ZNF536: variants seen among roughly 807,000 people sequenced by gnomAD.
ZNF536 encodes the protein zinc finger protein 536.
A neutral mutation model predicts 84.5 loss-of-function variants in ZNF536; 13 were observed. The ratio of observed to expected loss-of-function variants is 0.15; its 90% CI spans 0.10 to 0.24. ZNF536 has a LOEUF of 0.24. Among genes scored for constraint, ZNF536 ranks in the 10% least tolerant of loss-of-function variants. The pLI is 1.00. For synonymous variants in ZNF536, 811 were observed against 742.5 expected (o/e 1.09, Z -1.50); for missense variants, 1,536 against 1,747.5 (o/e 0.88, Z 2.16).
intron 2 of ZNF536, among the ~76,000 whole-genome samples, chr19:30,464,991 G>A (rs1187124604): frequency 6.6e-6 from 1 of 152,128 alleles, no homozygotes; most frequent in African/African-American, 2.4e-5. Context: ...GGGGCCGTCG[G>A]GGTTGATGAG....
intron 2 of ZNF536, among the ~76,000 whole-genome samples, chr19:30,297,605 A>G (rs533409567): frequency 6.6e-6 from 1 of 152,248 alleles, no homozygotes; most frequent in South Asian, 2.1e-4. Flanking sequence ...GGATGTAGTG[A>G]CTTTCTCTCT....
At chr19:30,556,825 A>G (rs1012568484) in intron 4 of ZNF536, 1 of 234,258 alleles carries the variant, frequency 4.3e-6, no homozygotes, top group Non-Finnish European at 8.3e-6. Flanking sequence ...CATGAATCCT[A>G]CTGCTCAGGA....
At chr19:30,389,683 G>A (rs547817114) in intron 1 of ZNF536, among the ~76,000 whole-genome samples, 2 of 152,272 alleles carry the variant, frequency 1.3e-5, no homozygotes, top group South Asian at 2.1e-4. Flanking sequence ...TGTCCTTTGG[G>A]TGAAGAAGTG....
At chr19:30,650,618 ATCTT>A (rs1600149300) in intron 1 of ZNF536, among the ~76,000 whole-genome samples, 1 of 152,122 alleles carries the variant, frequency 6.6e-6, no homozygotes, top group Non-Finnish European at 1.5e-5. Context: ...CATCCTTAGA[ATCTT>A]TCTTTTGTCA....
chr19:30,488,459 T>C (rs1187482603), intron 2 of ZNF536, among the ~76,000 whole-genome samples: 2 of 152,162 alleles, frequency 1.3e-5, no homozygotes, highest in Non-Finnish European at 2.9e-5. Flanking sequence ...TTTTCTCCTT[T>C]AGTCCTTTAA....
intron 1 of ZNF536, among the ~76,000 whole-genome samples, chr19:30,255,902 G>C: frequency 6.6e-6 from 1 of 152,326 alleles, no homozygotes; most frequent in South Asian, 2.1e-4. Context: ...GAAGCCAACA[G>C]CCTCCTTGGA....
chr19:30,668,409 T>C (rs1350809395), intron 1 of ZNF536, among the ~76,000 whole-genome samples: 1 of 152,140 alleles, frequency 6.6e-6, no homozygotes, highest in Non-Finnish European at 1.5e-5. Context: ...CAGGCTACAG[T>C]TGCTTCCTGG....
At chr19:30,624,404 GCC>G (rs1279683182) in intron 1 of ZNF536, among the ~76,000 whole-genome samples, 1 of 152,140 alleles carries the variant, frequency 6.6e-6, no homozygotes, top group African/African-American at 2.4e-5. Flanking sequence ...GGGAATCTGA[GCC>G]CGAGCCCAGA....
At chr19:30,410,471 T>TTTG (rs2050437578) in intron 1 of ZNF536, among the ~76,000 whole-genome samples, 1 of 37,214 alleles carries the variant, frequency 2.7e-5, no homozygotes, top group African/African-American at 5.0e-5. Flanking sequence ...AGGTCTTTTT[T>TTTG]TTTTTTTTTT....
intron 1 of ZNF536, among the ~76,000 whole-genome samples, chr19:30,703,789 A>G (rs2148018722): frequency 6.6e-6 from 1 of 152,264 alleles, no homozygotes; most frequent in African/African-American, 2.4e-5. Context: ...GTCATTTACC[A>G]ATGTGTCACA....
intron 2 of ZNF536, among the ~76,000 whole-genome samples, chr19:30,490,581 C>A (rs974175975): frequency 2.6e-5 from 4 of 152,114 alleles, no homozygotes; most frequent in Non-Finnish European, 5.9e-5. Flanking sequence ...GATAAAGAAA[C>A]TTCCATGCTG....
chr19:30,538,467 C>G (rs2045185748), intron 3 of ZNF536, among the ~76,000 whole-genome samples: 1 of 152,174 alleles, frequency 6.6e-6, no homozygotes. Flanking sequence ...TGCATTAACT[C>G]AATTACTGTT....
chr19:30,541,386 T>A (rs2045326469), intron 3 of ZNF536, among the ~76,000 whole-genome samples: 1 of 148,174 alleles, frequency 6.7e-6, no homozygotes, highest in East Asian at 1.9e-4. Context: ...ACCAACCACC[T>A]GAGTAATGAT....
chr19:30,449,742 T>C (rs1156345127), intron 2 of ZNF536, among the ~76,000 whole-genome samples: 3 of 152,208 alleles, frequency 2.0e-5, no homozygotes, highest in South Asian at 4.1e-4. Flanking sequence ...GTATAATATT[T>C]TGAGATGGAC....
chr19:30,313,230 C>T (rs2046565420), intron 2 of ZNF536, among the ~76,000 whole-genome samples: 1 of 152,206 alleles, frequency 6.6e-6, no homozygotes, highest in Non-Finnish European at 1.5e-5. Context: ...TGGAGGTTTG[C>T]TTGCAGGTAG....
In ZNF536 at chr19:30,549,329, G is replaced by A. The variant is rs765250094; in HGVS notation, c.3710G>A (p.Gly1237Asp). 1 of 1,610,386 alleles carries A rather than the reference G, an allele frequency of 6.2e-7. No homozygotes were observed. Among genetic ancestry groups the A allele is most frequent in the Non-Finnish European group, 8.5e-7 (1 of 1,177,930 alleles). The change falls in exon 4 of 5, where the codon GGT becomes GAT. Residue 1237 changes from glycine (G) to aspartate (D), a missense_variant. Physicochemically the swap from Gly to Asp is moderately conservative, Grantham distance 94 (BLOSUM62 -1). Transcript: ENST00000355537. ...QAPEKQWHSQ[G>D]LLQAQDPLAG... ...CCGGAGAAGCAGTGGCACAGCCAGG[G>A]TCTTCTCCAAGCCCAGGACCCCTTG...
chr19:30,418,823 A>G (rs555351638), intron 1 of ZNF536, among the ~76,000 whole-genome samples: 1 of 152,218 alleles, frequency 6.6e-6, no homozygotes, highest in East Asian at 1.9e-4. Flanking sequence ...ATTATTTTAA[A>G]CTCTTATTTA....
intron 1 of ZNF536, among the ~76,000 whole-genome samples, chr19:30,376,251 C>T (rs182035851): frequency 6.0e-4 from 92 of 152,310 alleles, no homozygotes; most frequent in East Asian, 3.1e-3. Context: ...TCCCTATACA[C>T]GCCTTTGTTG....
At chr19:30,615,886 G>T (rs2048277336) in intron 1 of ZNF536, among the ~76,000 whole-genome samples, 1 of 151,792 alleles carries the variant, frequency 6.6e-6, no homozygotes, top group Admixed American at 6.6e-5. Flanking sequence ...TCTCCTCTCT[G>T]TCCCTCTCTC....
Sources: gnomAD v4.1 joint callset for allele counts (sites outside exome capture counted in the v4.1 genomes callset) on GRCh38, gnomAD v4.1.1 for gene constraint, MANE v1.5 for transcripts, NCBI Gene and HGNC (gene_info 2026-07-23, HGNC 2026-07-21) for gene names.